Variants in CDH18 observed in about 807,000 individuals in gnomAD.
The protein encoded by CDH18 is cadherin-18.
A neutral mutation model predicts 67.9 loss-of-function variants in CDH18; 31 were observed. That is an observed-to-expected ratio of 0.46 (90% CI 0.34 to 0.62). CDH18 has a LOEUF of 0.62. Among genes scored for constraint, CDH18 ranks in the 20% least tolerant of loss-of-function variants. The pLI is 0.01. For missense variants in CDH18, 890 were observed against 975.5 expected, an observed-to-expected ratio of 0.91 and a Z score of 1.17; for synonymous variants, 362 against 347.2, an observed-to-expected ratio of 1.04 and a Z score of -0.48.
At chr5:20,327,179 A>G (rs916354247) in intron 1 of CDH18, among the ~76,000 whole-genome samples, 2 of 152,178 alleles carry the variant, frequency 1.3e-5, no homozygotes, top group African/African-American at 4.8e-5. Flanking sequence ...CCCCAAACTC[A>G]TTATGCCAAA....
intron 9 of CDH18, among the ~76,000 whole-genome samples, chr5:19,525,468 A>C (rs1331493876): frequency 1.3e-5 from 2 of 152,160 alleles, no homozygotes; most frequent in African/African-American, 2.4e-5. Context: ...ATTTAATCTT[A>C]CCTTATTGAG....
chr5:20,426,010 G>A (rs1471684992), intron 1 of CDH18, among the ~76,000 whole-genome samples: 1 of 150,944 alleles, frequency 6.6e-6, no homozygotes, highest in African/African-American at 2.5e-5. Context: ...ATTTTATGCC[G>A]ATTTTTTAAA....
chr5:19,566,981 A>G (rs1274109448), intron 8 of CDH18, among the ~76,000 whole-genome samples: 2 of 152,182 alleles, frequency 1.3e-5, no homozygotes, highest in South Asian at 2.1e-4. Flanking sequence ...CCAGGCACAG[A>G]AAGACAAACT....
intron 3 of CDH18, among the ~76,000 whole-genome samples, chr5:19,750,192 T>C (rs2149665122): frequency 6.6e-6 from 1 of 152,214 alleles, no homozygotes; most frequent in South Asian, 2.1e-4. Context: ...TATATGATTA[T>C]GATGATAACC....
At chr5:19,777,678 C>A (rs530904672) in intron 3 of CDH18, among the ~76,000 whole-genome samples, 1 of 152,226 alleles carries the variant, frequency 6.6e-6, no homozygotes, top group African/African-American at 2.4e-5. Flanking sequence ...AAAGAATTGC[C>A]AAATAAATAT....
At chr5:20,102,215 A>AGTGTGTGTGT (rs56036253) in intron 2 of CDH18, among the ~76,000 whole-genome samples, 1 of 148,780 alleles carries the variant, frequency 6.7e-6, no homozygotes, top group African/African-American at 2.5e-5. Flanking sequence ...TGTTATGTGC[A>AGTGTGTGTGT]GTGTGTGTGT....
chr5:19,612,107 T>C (rs1345251176), intron 6 of CDH18, among the ~76,000 whole-genome samples: 2 of 152,168 alleles, frequency 1.3e-5, no homozygotes, highest in African/African-American at 4.8e-5. Context: ...CAAAATACCT[T>C]TTCAACATCT....
chr5:19,784,010 T>C (rs1399601770), intron 3 of CDH18, among the ~76,000 whole-genome samples: 4 of 152,134 alleles, frequency 2.6e-5, no homozygotes, highest in Non-Finnish European at 5.9e-5. Flanking sequence ...TATAGATGAG[T>C]AAAAACATTT....
chr5:19,796,261 C>T (rs191436319), intron 3 of CDH18, among the ~76,000 whole-genome samples: 286 of 152,050 alleles, frequency 1.9e-3, no homozygotes, highest in Non-Finnish European at 2.9e-3. Context: ...AACAAATCCA[C>T]AACAAGATTT....
intron 2 of CDH18, among the ~76,000 whole-genome samples, chr5:19,898,294 A>C (rs1789562257): frequency 6.6e-6 from 1 of 151,996 alleles, no homozygotes; most frequent in Non-Finnish European, 1.5e-5. Context: ...GGTCATACAA[A>C]ATTGGTGGTC....
chr5:20,241,879 AATATATATATATGTATAT>A (rs1742941731), intron 2 of CDH18, among the ~76,000 whole-genome samples: 3 of 85,466 alleles, frequency 3.5e-5, no homozygotes, highest in Admixed American at 3.4e-4. Flanking sequence ...AATAAAATAA[AATATATATATATGTATAT>A]ATATATATAT....
chr5:19,847,872 C>T (rs1260399323), intron 2 of CDH18, among the ~76,000 whole-genome samples: 1 of 152,036 alleles, frequency 6.6e-6, no homozygotes, highest in Non-Finnish European at 1.5e-5. Flanking sequence ...CTTGCTCTTT[C>T]TGGTGTCTAT....
At chr5:20,446,062 C>T (rs891595831) in intron 1 of CDH18, among the ~76,000 whole-genome samples, 1 of 151,820 alleles carries the variant, frequency 6.6e-6, no homozygotes, top group Non-Finnish European at 1.5e-5. Flanking sequence ...ATGTTTTTAC[C>T]CATAATTCAT....
At chr5:20,167,670 A>T (rs1736397245) in intron 2 of CDH18, among the ~76,000 whole-genome samples, 1 of 152,144 alleles carries the variant, frequency 6.6e-6, no homozygotes, top group Non-Finnish European at 1.5e-5. Context: ...ACAAAGAGAC[A>T]TGTGAATGTG....
At chr5:19,670,663 A>C (rs1369506858) in intron 5 of CDH18, among the ~76,000 whole-genome samples, 2 of 152,132 alleles carry the variant, frequency 1.3e-5, no homozygotes, top group Non-Finnish European at 2.9e-5. Flanking sequence ...AGATTATTAT[A>C]TCCTTTGAAG....
At chr5:20,163,754 A>G (rs1736070441) in intron 2 of CDH18, among the ~76,000 whole-genome samples, 1 of 152,234 alleles carries the variant, frequency 6.6e-6, no homozygotes, top group African/African-American at 2.4e-5. Context: ...AATATTAAAT[A>G]CAATCACTAA....
chr5:19,851,259 C>T (rs1044824549), intron 2 of CDH18, among the ~76,000 whole-genome samples: 2 of 151,490 alleles, frequency 1.3e-5, no homozygotes, highest in South Asian at 2.1e-4. Context: ...GTTTTTATAT[C>T]GGCTTTTCCA....
At chr5:19,907,210 T>A (rs1229218846) in intron 2 of CDH18, among the ~76,000 whole-genome samples, 1 of 151,954 alleles carries the variant, frequency 6.6e-6, no homozygotes, top group Non-Finnish European at 1.5e-5. Flanking sequence ...AGAAATGCTG[T>A]CTATCAAACC....
At chr5:19,583,738 T>C (rs1489519232) in intron 7 of CDH18, among the ~76,000 whole-genome samples, 1 of 152,134 alleles carries the variant, frequency 6.6e-6, no homozygotes, top group African/African-American at 2.4e-5. Context: ...TCGTTTCATG[T>C]TTTCCATAAT....
Sources: allele counts gnomAD v4.1 joint callset (sites outside exome capture counted in the v4.1 genomes callset), GRCh38; gene constraint gnomAD v4.1.1; transcripts MANE v1.5; gene names NCBI Gene and HGNC (gene_info 2026-07-23, HGNC 2026-07-21).